The following OSMR variants were observed in gnomAD, a reference collection of about 807,000 sequenced individuals.
OSMR encodes oncostatin-M-specific receptor subunit beta.
Under a neutral mutation model 99.9 loss-of-function variants are expected in OSMR, and 81 were observed. The ratio of observed to expected loss-of-function variants is 0.81; its 90% CI spans 0.68 to 0.97. The LOEUF is 0.97. Ranked by LOEUF, OSMR falls within the 50% of genes least tolerant of loss-of-function variation. The probability of loss-of-function intolerance (pLI) is 0.00; values close to 1 mark genes in which losing one functional copy is unlikely to be tolerated. For missense variants in OSMR, 1,099 were observed against 1,153.4 expected, an observed-to-expected ratio of 0.95 and a Z score of 0.68; for synonymous variants, 406 against 410.4, an observed-to-expected ratio of 0.99 and a Z score of 0.13.
In OSMR at chr5:38,917,607, G is replaced by T; in HGVS notation, c.1347G>T (p.Val449=). 6.2e-7 allele frequency: 1 copy of T among 1,613,044 alleles called. No individual in the cohort carries two copies. Among genetic ancestry groups the T allele is most frequent in the South Asian group, 1.1e-5 (1 of 91,034 alleles). The change falls in exon 10 of 18, where the codon GTG becomes GTT. Residue 449 remains valine, a synonymous_variant. Transcript: ENST00000274276. ...GCTTGGAGCCAGGAAATCATACTGT[G>T]ACCTTATTCTGGAAGGTAAGATGTG... ...IVSLEPGNHT[V]TLFWKPLSKL...
downstream of OSMR, chr5:38,939,890 A>C (rs148657889): frequency 7.9e-5 from 18 of 227,124 alleles, no homozygotes; most frequent in Non-Finnish European, 1.1e-4. Context: ...ACTTAAGTTA[A>C]TCACTTGGCA....
At chr5:38,850,850 T>C (rs947139852) in intron 1 of OSMR, among the ~76,000 whole-genome samples, 1 of 152,232 alleles carries the variant, frequency 6.6e-6, no homozygotes, top group African/African-American at 2.4e-5. Flanking sequence ...TGAGCAAATT[T>C]ACTTCATATA....
Position 38,876,146 on chromosome 5 carries a change from T to G in OSMR, c.74-55T>G, listed in dbSNP as rs577826175. On this transcript the variant is annotated intron_variant, in intron 2 of 17. Coordinates refer to ENST00000274276, the MANE Select transcript of OSMR (RefSeq NM_003999.3). The stretch of plus-strand genomic sequence containing the variant: ...ATATTCAAGTTTAATTATTTCTGAC[T>G]CTTCAATCATGCTCCTATTAAATAT... 4.2e-5 allele frequency: 66 copies of G among 1,587,766 alleles called. No individual in the cohort carries two copies. In the African/African-American group the frequency reaches 8.2e-4, roughly 20 times the overall value.
chr5:38,900,150 G>A (rs548817912), intron 7 of OSMR, among the ~76,000 whole-genome samples: 16 of 152,214 alleles, frequency 1.1e-4, no homozygotes, highest in African/African-American at 3.4e-4. Context: ...CTCTGTAGGC[G>A]GATATCAGCT....
At chr5:38,892,493 A>G (rs552448009) in intron 7 of OSMR, among the ~76,000 whole-genome samples, 6 of 152,128 alleles carry the variant, frequency 3.9e-5, no homozygotes, top group African/African-American at 1.2e-4. Context: ...GGAAATACCT[A>G]TCTCACTGCA....
intron 1 of OSMR, among the ~76,000 whole-genome samples, chr5:38,852,717 C>CTTTTTTTTTTT (rs1740491359): frequency 1.7e-5 from 1 of 57,430 alleles, no homozygotes; most frequent in Non-Finnish European, 3.7e-5. Flanking sequence ...CTATTGTTTT[C>CTTTTTTTTTTT]ATTTTTTTTT....
rs771864692 is a variant in OSMR, at chr5:38,933,042, T to C, written c.2538T>C (p.Asn846=). 1.2e-6 allele frequency: 2 copies of C among 1,614,046 alleles called. No homozygotes were observed. The highest frequency in any genetic ancestry group is 1.7e-6 in the Non-Finnish European group (2 of 1,180,018). The change falls in exon 18 of 18, where the codon AAT becomes AAC. Residue 846 remains asparagine (N), a synonymous_variant. Transcript: ENST00000274276. ...NYLYLLPTEK[N]HSGPGPCICF... Reference sequence around the variant, plus strand: ...TTTATCTCCTTCCAACAGAAAAGAATCACTCTGGCCCTGGCCCCTGCATCT... The same window carrying C: ...TTTATCTCCTTCCAACAGAAAAGAACCACTCTGGCCCTGGCCCCTGCATCT...
intron 5 of OSMR, 141 bp from the exon 6 acceptor site, chr5:38,885,208 G>A (rs1743617991): frequency 1.3e-6 from 2 of 1,507,780 alleles, no homozygotes; most frequent in Non-Finnish European, 1.8e-6. Context: ...TTTGGAGGCT[G>A]TTGATAGGTA....
chr5:38,905,504 A>G (rs775427459), intron 9 of OSMR, among the ~76,000 whole-genome samples: 26 of 151,108 alleles, frequency 1.7e-4, no homozygotes, highest in Admixed American at 4.6e-4. Context: ...AAAAAAAATC[A>G]TAGGAGTCAA....
Position 38,882,261 on chromosome 5 carries a change from C to T in OSMR, c.418+497C>T, listed in dbSNP as rs1480476044. 2.0e-5 allele frequency among the ~76,000 whole-genome samples: 3 copies of T among 152,084 alleles called. No homozygotes were observed. The East Asian group carries it at 5.8e-4, about 29-fold the overall frequency. On this transcript the variant is annotated intron_variant, in intron 4 of 17. Coordinates refer to ENST00000274276, the MANE Select transcript of OSMR (RefSeq NM_003999.3). ...GATAGTGTGTAAACCAATGAGACAG[C>T]TTTGTTGATAGAAATTTATTTACAG...
In OSMR at chr5:38,881,756, A is replaced by C. The variant is rs780223229; in HGVS notation, c.410A>C (p.Glu137Ala). The change falls in exon 4 of 18, where the codon GAA (glutamate) becomes GCA (alanine). Residue 137 changes from glutamate (E) to alanine (A), a missense_variant. Glu to Ala is a moderately radical substitution (Grantham distance 107). Coordinates refer to ENST00000274276, the MANE Select transcript of OSMR (RefSeq NM_003999.3). ...TGGAGCAACTGGAGTTCCTGGGAGG[A>C]AGTCAGTGGTAAGAAGTGAGGTGGT... is the stretch of plus-strand genomic sequence containing the variant. ...NFWSNWSSWE[E>A]VSVQDSTGQD... 6.2e-7 allele frequency: 1 copy of C among 1,613,946 alleles called. No homozygotes were observed. The highest frequency in any genetic ancestry group is 1.1e-5 in the South Asian group (1 of 91,080).
intron 7 of OSMR, among the ~76,000 whole-genome samples, chr5:38,891,820 G>A (rs1744177327): frequency 6.6e-6 from 1 of 152,164 alleles, no homozygotes. Context: ...CTGTCCCACT[G>A]CTCCTCACTA....
chr5:38,931,665 GAC>G (rs1746758271), intron 15 of OSMR: 1 of 352,970 alleles, frequency 2.8e-6, no homozygotes, highest in African/African-American at 2.2e-5. Flanking sequence ...ACAAATTTGA[GAC>G]ACACGGTGTT....
At position 38,933,911 on chromosome 5, in the gene OSMR, G is replaced by A. The variant is rs747340615; in HGVS notation, c.*467G>A. The A allele has an allele frequency of 2.0e-5, 3 of 152,186 alleles. No individual in the cohort carries two copies. Among genetic ancestry groups the A allele is most frequent in the South Asian group, 2.0e-4 (1 of 4,902 alleles). The allele number at this position is 152,186 out of a possible 1,614,324, so 9.4% of individuals were successfully genotyped here. ...ATTGTCAAATGTAAATTTACTGAGCGTGTTTTATAAAAAACTCACAGGTGT... is the reference window on the plus strand; with the variant it reads ...ATTGTCAAATGTAAATTTACTGAGCATGTTTTATAAAAAACTCACAGGTGT... On this transcript the variant is annotated 3_prime_UTR_variant, in exon 18 of 18. Coordinates refer to ENST00000274276, the MANE Select transcript of OSMR (RefSeq NM_003999.3).
chr5:38,944,950 G>C, exon 3 of OSMR: 1 of 1,614,014 alleles, frequency 6.2e-7, no homozygotes. Flanking sequence ...TGCTAGCTGA[G>C]CCTTCTTGAG....
intron 1 of OSMR, among the ~76,000 whole-genome samples, chr5:38,862,043 C>T (rs867861134): frequency 6.2e-4 from 68 of 109,306 alleles, no homozygotes; most frequent in South Asian, 1.8e-3. Context: ...CCAGTAGGGG[C>T]GGCCGGGCAG....
At chr5:38,885,258 T>A (rs1451767913) in intron 5 of OSMR, 91 bp from the exon 6 acceptor site, 1 of 1,590,080 alleles carries the variant, frequency 6.3e-7, no homozygotes, top group East Asian at 2.3e-5. Flanking sequence ...TCACAGTAAC[T>A]CTGTGGCTTC....
intron 1 of OSMR, chr5:38,942,986 T>G: frequency 6.3e-7 from 1 of 1,577,314 alleles, no homozygotes; most frequent in South Asian, 1.1e-5. Context: ...AATAAAAGAT[T>G]ATGGTGTGAT....
chr5:38,886,626 A>T (rs1743793473), intron 7 of OSMR: 6 of 156,308 alleles, frequency 3.8e-5, no homozygotes, highest in Admixed American at 3.2e-4. Flanking sequence ...AATTATGTTT[A>T]TATAATATTA....
Sources: allele counts gnomAD v4.1 joint callset (sites outside exome capture counted in the v4.1 genomes callset), GRCh38; gene constraint gnomAD v4.1.1; transcripts MANE v1.5; gene names NCBI Gene and HGNC (gene_info 2026-07-23, HGNC 2026-07-21).